The following KCNN2 variants were observed in gnomAD, a reference collection of about 807,000 sequenced individuals.
KCNN2 encodes small conductance calcium-activated potassium channel protein 2.
In KCNN2, 24 loss-of-function variants were observed where a neutral mutation model predicts 55.5. That is an observed-to-expected ratio of 0.43 (90% CI 0.31 to 0.61). KCNN2 has a LOEUF of 0.61. Ranked by LOEUF, KCNN2 falls within the 20% of genes least tolerant of loss-of-function variation. The probability of loss-of-function intolerance (pLI) is 0.08; values close to 1 mark genes in which losing one functional copy is unlikely to be tolerated. For missense variants in KCNN2, 754 were observed against 853.6 expected (o/e 0.88, Z 1.45); for synonymous variants, 431 against 336.1 (o/e 1.28, Z -3.09).
intron 2 of KCNN2, among the ~76,000 whole-genome samples, chr5:114,287,597 G>A (rs1000737511): frequency 4.0e-5 from 6 of 151,876 alleles, no homozygotes; most frequent in African/African-American, 7.2e-5. Context: ...GGGGCCTGTC[G>A]GGGGATGGGG....
At chr5:114,084,653 A>G (rs879515808) in intron 1 of KCNN2, among the ~76,000 whole-genome samples, 1 of 152,018 alleles carries the variant, frequency 6.6e-6, no homozygotes, top group African/African-American at 2.4e-5. Flanking sequence ...CACAGAGCAG[A>G]TAATTTTAAT....
intron 2 of KCNN2, among the ~76,000 whole-genome samples, chr5:114,280,596 A>T (rs1755604235): frequency 1.3e-5 from 2 of 152,176 alleles, no homozygotes; most frequent in African/African-American, 4.8e-5. Flanking sequence ...GGTTTGTCAA[A>T]GATCAGATAG....
chr5:114,185,158 A>T (rs1263780439), intron 1 of KCNN2, among the ~76,000 whole-genome samples: 1 of 152,262 alleles, frequency 6.6e-6, no homozygotes, highest in Non-Finnish European at 1.5e-5. Flanking sequence ...AAAAGGAAAG[A>T]GAGGAAAAGT....
At chr5:114,128,926 TA>T (rs1209238892) in intron 1 of KCNN2, among the ~76,000 whole-genome samples, 2 of 152,184 alleles carry the variant, frequency 1.3e-5, no homozygotes, top group Non-Finnish European at 2.9e-5. Context: ...TCTAGGTAAA[TA>T]AAAAGAATCA....
intron 2 of KCNN2, among the ~76,000 whole-genome samples, chr5:114,385,893 T>A (rs548348054): frequency 6.6e-6 from 1 of 151,646 alleles, no homozygotes; most frequent in East Asian, 1.9e-4. Flanking sequence ...AAAGTAGGTA[T>A]TAAGGCCGGG....
chr5:114,155,418 G>A (rs115338667), intron 1 of KCNN2, among the ~76,000 whole-genome samples: 4,709 of 152,098 alleles, frequency 0.031, 251 homozygotes, highest in African/African-American at 0.11. Context: ...ATGAGATTGC[G>A]GGTCAAATGT....
At chr5:114,425,346 C>A (rs922259227) in intron 3 of KCNN2, among the ~76,000 whole-genome samples, 1 of 152,184 alleles carries the variant, frequency 6.6e-6, no homozygotes, top group Non-Finnish European at 1.5e-5. Flanking sequence ...ATAGGACCTA[C>A]ACCAACAGTC....
chr5:114,303,836 G>A (rs1053055380), intron 2 of KCNN2, among the ~76,000 whole-genome samples: 1 of 152,088 alleles, frequency 6.6e-6, no homozygotes, highest in Non-Finnish European at 1.5e-5. Context: ...TACTGAGGAA[G>A]TTTGGAAGTT....
intron 5 of KCNN2, chr5:114,486,598 C>T: frequency 2.2e-6 from 1 of 457,666 alleles, no homozygotes; most frequent in Middle Eastern, 3.5e-4. Flanking sequence ...ACATTCAGCA[C>T]TGGAAACATG....
intron 1 of KCNN2, among the ~76,000 whole-genome samples, chr5:114,221,451 C>G (rs28687690): frequency 0.03 from 4,534 of 152,098 alleles, 229 homozygotes; most frequent in African/African-American, 0.1. Flanking sequence ...AAATTTTGAA[C>G]AAAGACTAAT....
chr5:114,203,411 A>G (rs1753712675), intron 1 of KCNN2, among the ~76,000 whole-genome samples: 1 of 150,686 alleles, frequency 6.6e-6, no homozygotes, highest in Admixed American at 6.6e-5. Context: ...CTCAAAGAAA[A>G]TCTTCATTTT....
chr5:114,292,115 CA>C (rs1482092339), intron 2 of KCNN2, among the ~76,000 whole-genome samples: 3 of 152,136 alleles, frequency 2.0e-5, no homozygotes, highest in Non-Finnish European at 4.4e-5. Context: ...GAGTAGATTG[CA>C]AAAATTTTCT....
At chr5:114,093,270 C>G (rs80324120) in intron 1 of KCNN2, among the ~76,000 whole-genome samples, 1 of 152,162 alleles carries the variant, frequency 6.6e-6, no homozygotes, top group African/African-American at 2.4e-5. Context: ...CAATGAGTTC[C>G]TCACCTCCAT....
intron 1 of KCNN2, among the ~76,000 whole-genome samples, chr5:114,068,473 C>G (rs976482487): frequency 2.0e-5 from 3 of 152,204 alleles, no homozygotes; most frequent in Non-Finnish European, 4.4e-5. Context: ...ACCTTGGCCT[C>G]ACATTCACAG....
At chr5:114,163,853 G>A (rs1210557096) in intron 1 of KCNN2, among the ~76,000 whole-genome samples, 2 of 152,194 alleles carry the variant, frequency 1.3e-5, no homozygotes. Flanking sequence ...GGTTGCTATG[G>A]CTGTTATTAA....
intron 1 of KCNN2, among the ~76,000 whole-genome samples, chr5:114,194,827 G>A (rs1321904345): frequency 6.6e-6 from 1 of 151,364 alleles, no homozygotes; most frequent in Non-Finnish European, 1.5e-5. Flanking sequence ...CTTACATTTA[G>A]GTCTAGGATC....
At chr5:114,319,142 A>G (rs1377646478) in intron 2 of KCNN2, among the ~76,000 whole-genome samples, 2 of 152,166 alleles carry the variant, frequency 1.3e-5, no homozygotes, top group African/African-American at 4.8e-5. Context: ...GAGACAAAAT[A>G]GATTAAGGAT....
At chr5:114,407,828 T>C (rs2150072891) in intron 3 of KCNN2, among the ~76,000 whole-genome samples, 1 of 152,340 alleles carries the variant, frequency 6.6e-6, no homozygotes, top group African/African-American at 2.4e-5. Flanking sequence ...CTGGTATCAG[T>C]ACAGTAGCTT....
chr5:114,057,253 T>G (rs1440764488), intron 1 of KCNN2: 1 of 152,222 alleles, frequency 6.6e-6, no homozygotes, highest in African/African-American at 2.4e-5. Context: ...AACACATTTA[T>G]TGAACACCTG....
Sources: gnomAD v4.1 joint callset for allele counts (sites outside exome capture counted in the v4.1 genomes callset) on GRCh38, gnomAD v4.1.1 for gene constraint, MANE v1.5 for transcripts, NCBI Gene and HGNC (gene_info 2026-07-23, HGNC 2026-07-21) for gene names.